Variants in VPS13B observed in about 807,000 individuals in gnomAD.
The protein encoded by VPS13B is vacuolar protein sorting 13 homolog B, also known as intermembrane lipid transfer protein VPS13B.
Under a neutral mutation model 426.4 loss-of-function variants are expected in VPS13B, and 285 were observed. That is an observed-to-expected ratio of 0.67 (90% confidence interval 0.61 to 0.74). The LOEUF (loss-of-function observed/expected upper bound fraction) is 0.74. Among genes scored for constraint, VPS13B ranks in the 30% least tolerant of loss-of-function variants. The pLI is 0.00. For missense variants in VPS13B, 4,537 were observed against 4,782.6 expected (o/e 0.95, Z 1.51); for synonymous variants, 1,676 against 1,676.4 (o/e 1.00, Z 0.01).
At chr8:99,118,560 C>T (rs1053886468) in intron 7 of VPS13B, among the ~76,000 whole-genome samples, 8 of 152,118 alleles carry the variant, frequency 5.3e-5, no homozygotes, top group African/African-American at 1.9e-4. Context: ...GCCTGCCTCC[C>T]CGCGAGAAAA....
At chr8:99,083,179 TC>T (rs915498944) in intron 3 of VPS13B, among the ~76,000 whole-genome samples, 26 of 152,320 alleles carry the variant, frequency 1.7e-4, no homozygotes, top group African/African-American at 6.3e-4. Flanking sequence ...CTCCTTCACA[TC>T]CCTTGTAAGT....
At chr8:99,571,793 TCA>T (rs1179755815) in intron 31 of VPS13B, among the ~76,000 whole-genome samples, 1 of 152,188 alleles carries the variant, frequency 6.6e-6, no homozygotes, top group Non-Finnish European at 1.5e-5. Context: ...TCCTCTGTAG[TCA>T]CAGATTTTAA....
At chr8:99,349,778 G>A (rs1016363998) in intron 19 of VPS13B, among the ~76,000 whole-genome samples, 3 of 152,166 alleles carry the variant, frequency 2.0e-5, no homozygotes, top group Non-Finnish European at 4.4e-5. Context: ...GGTTAGAGGG[G>A]AGGAAGGAAG....
chr8:99,165,678 G>A (rs376087599), intron 15 of VPS13B, among the ~76,000 whole-genome samples: 27 of 152,170 alleles, frequency 1.8e-4, no homozygotes, highest in African/African-American at 5.3e-4. Context: ...CACATTTTAC[G>A]GTTACATAAA....
chr8:99,747,321 C>A (rs1810142310), intron 39 of VPS13B, among the ~76,000 whole-genome samples: 1 of 151,552 alleles, frequency 6.6e-6, no homozygotes, highest in South Asian at 2.1e-4. Flanking sequence ...GGCTTTTAAC[C>A]AGAATAATTT....
intron 39 of VPS13B, among the ~76,000 whole-genome samples, chr8:99,766,242 G>A (rs1344571447): frequency 2.0e-5 from 3 of 151,620 alleles, no homozygotes; most frequent in Non-Finnish European, 4.4e-5. Context: ...ACCACACCTG[G>A]CTAACTAATT....
At chr8:99,853,334 A>G (rs1402342964) in intron 55 of VPS13B, 117 bp from the exon 56 acceptor site, 10 of 1,029,982 alleles carry the variant, frequency 9.7e-6, no homozygotes, top group African/African-American at 3.2e-5. Context: ...TTTGTTTCTT[A>G]TGAGAATCTG....
At chr8:99,626,696 G>T (rs1828627448) in intron 33 of VPS13B, among the ~76,000 whole-genome samples, 1 of 152,170 alleles carries the variant, frequency 6.6e-6, no homozygotes, top group Admixed American at 6.5e-5. Flanking sequence ...GAATGTAAAT[G>T]CATCCAGCCA....
chr8:99,757,517 T>C (rs1467160024), intron 39 of VPS13B, among the ~76,000 whole-genome samples: 1 of 152,208 alleles, frequency 6.6e-6, no homozygotes, highest in Non-Finnish European at 1.5e-5. Flanking sequence ...ATGGCCCAGC[T>C]TCAGCAGCCC....
Position 99,442,539 on chromosome 8 carries a change from T to A in VPS13B, c.3349T>A (p.Cys1117Ser), listed in dbSNP as rs1355902845. The A allele has an allele frequency of 1.2e-6, 2 of 1,613,896 alleles. No individual in the cohort carries two copies. Among genetic ancestry groups the A allele is most frequent in the Non-Finnish European group, 1.7e-6 (2 of 1,179,912 alleles). ...QTSMPGTLVL[C>S]LPQIKIISAG... ...CAGCATGCCGGGAACACTTGTCCTC[T>A]GTTTGCCTCAAATAAAGATTATTAG... is the stretch of plus-strand genomic sequence containing the variant. Residue 1117 changes from cysteine to serine, a missense_variant, in exon 23 of 62, where the codon TGT (cysteine) becomes AGT (serine). Coordinates refer to ENST00000357162, the MANE Select transcript of VPS13B (RefSeq NM_152564.5).
chr8:99,136,521 A>C, intron 11 of VPS13B, 144 bp from the exon 12 acceptor site: 1 of 784,124 alleles, frequency 1.3e-6, no homozygotes, highest in South Asian at 1.5e-5. Context: ...TTAGAAGTAA[A>C]TTCTTGGAAT....
At chr8:99,330,338 G>T (rs1412151889) in intron 19 of VPS13B, among the ~76,000 whole-genome samples, 1 of 151,816 alleles carries the variant, frequency 6.6e-6, no homozygotes, top group Admixed American at 6.6e-5. Flanking sequence ...ATGGGGGTAT[G>T]TTATTTTAAT....
chr8:99,018,263 G>A (rs1418025378), intron 2 of VPS13B, among the ~76,000 whole-genome samples: 3 of 152,176 alleles, frequency 2.0e-5, no homozygotes, highest in Non-Finnish European at 2.9e-5. Context: ...GCTCACGCCT[G>A]TAATCCCAGC....
At chr8:99,125,474 C>T (rs1343453803) in intron 8 of VPS13B, among the ~76,000 whole-genome samples, 1 of 152,158 alleles carries the variant, frequency 6.6e-6, no homozygotes. Context: ...TAAACTCCTT[C>T]GGCAGCACCC....
intron 39 of VPS13B, among the ~76,000 whole-genome samples, chr8:99,749,287 T>C (rs755616120): frequency 6.6e-5 from 10 of 152,038 alleles, no homozygotes; most frequent in Non-Finnish European, 1.5e-4. Flanking sequence ...CAGTAAATTA[T>C]TGTTCACTGT....
chr8:99,491,892 G>C (rs921400477), intron 25 of VPS13B, among the ~76,000 whole-genome samples: 3 of 152,168 alleles, frequency 2.0e-5, no homozygotes, highest in Non-Finnish European at 4.4e-5. Context: ...TCTCCATCCA[G>C]TTTTGTTCCA....
chr8:99,215,789 T>C (rs1815361278), intron 17 of VPS13B, among the ~76,000 whole-genome samples: 1 of 152,150 alleles, frequency 6.6e-6, no homozygotes, highest in African/African-American at 2.4e-5. Context: ...AAAGCGGATG[T>C]TCAGTATAAG....
Position 99,134,103 on chromosome 8 carries a change from G to A in VPS13B, c.1207-529G>A, listed in dbSNP as rs140563260. Among the ~76,000 whole-genome samples the A allele has an allele frequency of 6.3e-3, 964 of 152,268 alleles. 9 individuals carry two copies. Among genetic ancestry groups the A allele is most frequent in the African/African-American group, 0.022 (901 of 41,566 alleles). On this transcript the variant is annotated intron_variant, in intron 8 of 61. Coordinates refer to ENST00000357162, the MANE Select transcript of VPS13B (RefSeq NM_152564.5). ...ATAAGTATTTGTTGCATGATTGAATGAGTCTATGAGATTTAGTAGGAAACA... is the reference window on the plus strand; with the variant it reads ...ATAAGTATTTGTTGCATGATTGAATAAGTCTATGAGATTTAGTAGGAAACA...
chr8:99,595,336 A>G (rs1031130750), intron 33 of VPS13B, among the ~76,000 whole-genome samples: 2 of 151,964 alleles, frequency 1.3e-5, no homozygotes, highest in African/African-American at 4.8e-5. Flanking sequence ...TTTATAGTCA[A>G]TTGATTTTTG....
Sources: allele counts gnomAD v4.1 joint callset (sites outside exome capture counted in the v4.1 genomes callset), GRCh38; gene constraint gnomAD v4.1.1; transcripts MANE v1.5; gene names NCBI Gene and HGNC (gene_info 2026-07-23, HGNC 2026-07-21).